PBX3: variants seen among roughly 807,000 people sequenced by gnomAD.
The protein encoded by PBX3 is pre-B-cell leukemia transcription factor 3.
Under a neutral mutation model 48.5 loss-of-function variants are expected in PBX3, and 14 were observed. The observed-to-expected ratio is 0.29, with a 90% CI of 0.19 to 0.45. The LOEUF (loss-of-function observed/expected upper bound fraction) is 0.45. Ranked by LOEUF, PBX3 falls within the 20% of genes least tolerant of loss-of-function variation. The probability of loss-of-function intolerance (pLI) is 1.00; values close to 1 mark genes in which losing one functional copy is unlikely to be tolerated. For synonymous variants in PBX3, 210 were observed against 200.3 expected (o/e 1.05, Z -0.41); for missense variants, 386 against 546.7 (o/e 0.71, Z 2.93).
chr9:125,791,456 G>A (rs10986920), intron 2 of PBX3, among the ~76,000 whole-genome samples: 3,034 of 152,158 alleles, frequency 0.02, 170 homozygotes, highest in East Asian at 0.17. Flanking sequence ...CTTGGTGGCA[G>A]GTGATTGCAT....
chr9:125,770,023 G>A (rs1283019904), intron 2 of PBX3, among the ~76,000 whole-genome samples: 1 of 152,178 alleles, frequency 6.6e-6, no homozygotes. Context: ...AAAACGGAAT[G>A]TATAGAAGAG....
chr9:125,852,538 A>G (rs565253970), intron 2 of PBX3, among the ~76,000 whole-genome samples: 4 of 152,302 alleles, frequency 2.6e-5, no homozygotes, highest in Admixed American at 1.3e-4. Flanking sequence ...GTAGTGTGCA[A>G]TGAGGTTCCA....
At chr9:125,793,341 G>T (rs1382690890) in intron 2 of PBX3, among the ~76,000 whole-genome samples, 1 of 116,490 alleles carries the variant, frequency 8.6e-6, no homozygotes, top group Non-Finnish European at 1.7e-5. Flanking sequence ...GACAGAGTGA[G>T]ACTCCATTTG....
At chr9:125,799,292 C>T (rs1336420159) in intron 2 of PBX3, among the ~76,000 whole-genome samples, 2 of 152,152 alleles carry the variant, frequency 1.3e-5, no homozygotes, top group African/African-American at 4.8e-5. Flanking sequence ...GTGGGCGGAT[C>T]ATGTGAGTCT....
At chr9:125,926,459 G>T (rs187392205) in intron 3 of PBX3, among the ~76,000 whole-genome samples, 1 of 152,244 alleles carries the variant, frequency 6.6e-6, no homozygotes, top group Admixed American at 6.5e-5. Context: ...GGCGGAGGTT[G>T]CAGTGAACCA....
chr9:125,852,942 C>A (rs1250381893), intron 2 of PBX3, among the ~76,000 whole-genome samples: 1 of 152,124 alleles, frequency 6.6e-6, no homozygotes, highest in Non-Finnish European at 1.5e-5. Context: ...ACTTAATACT[C>A]CAGCTTTGTA....
chr9:125,929,012 C>T (rs1019884609), intron 3 of PBX3, among the ~76,000 whole-genome samples: 2 of 152,188 alleles, frequency 1.3e-5, no homozygotes, highest in African/African-American at 4.8e-5. Flanking sequence ...GAACTTGCAA[C>T]ATACTGTTAT....
rs550111379 is a variant in PBX3 at position 125,792,033 on chromosome 9, T to TAC, written c.274+43421_274+43422dup. On this transcript the variant is annotated intron_variant, in intron 2 of 8. Transcript: ENST00000373489. ...TAGCAGTGAGAGAATGGATTAATAC[T>TAC]ACACACACACACGCACGCACGCACG... 1.2e-4 allele frequency among the ~76,000 whole-genome samples: 17 copies of TAC among 137,478 alleles called. No homozygotes were observed. The South Asian group carries it at 2.4e-3, about 20-fold the overall frequency. 90.2% of individuals were successfully genotyped at this position (137,478 alleles called of 152,430 possible). A position where few individuals can be genotyped will look rare whatever the true frequency, so the allele number is the denominator to read the frequency against.
At chr9:125,843,148 G>T (rs1272725563) in intron 2 of PBX3, among the ~76,000 whole-genome samples, 1 of 151,870 alleles carries the variant, frequency 6.6e-6, no homozygotes, top group African/African-American at 2.4e-5. Flanking sequence ...ACCTATTTGG[G>T]GAATTTAATA....
chr9:125,857,357 G>T (rs1349428205), intron 2 of PBX3, among the ~76,000 whole-genome samples: 1 of 152,236 alleles, frequency 6.6e-6, no homozygotes, highest in East Asian at 1.9e-4. Flanking sequence ...CAATACACAA[G>T]AAGTTTTGGA....
At chr9:125,760,969 G>A (rs573134648) in intron 2 of PBX3, among the ~76,000 whole-genome samples, 9 of 152,244 alleles carry the variant, frequency 5.9e-5, no homozygotes, top group Admixed American at 2.6e-4. Flanking sequence ...TTTATGATAT[G>A]TTGTCATCAA....
At chr9:125,862,659 A>C (rs1422363266) in intron 2 of PBX3, among the ~76,000 whole-genome samples, 3 of 152,120 alleles carry the variant, frequency 2.0e-5, no homozygotes, top group Non-Finnish European at 4.4e-5. Flanking sequence ...TGCTGGGATT[A>C]CAGGTGTGAG....
chr9:125,945,835 A>G (rs1842053915), intron 5 of PBX3, among the ~76,000 whole-genome samples: 1 of 152,206 alleles, frequency 6.6e-6, no homozygotes, highest in Non-Finnish European at 1.5e-5. Context: ...AAGGTTAAAG[A>G]TACAGCTTGG....
intron 2 of PBX3, among the ~76,000 whole-genome samples, chr9:125,876,600 G>C (rs1840253161): frequency 6.6e-6 from 1 of 152,032 alleles, no homozygotes; most frequent in African/African-American, 2.4e-5. Context: ...TCCAAAATAG[G>C]TGTTAATCGA....
intron 2 of PBX3, among the ~76,000 whole-genome samples, chr9:125,772,591 C>T (rs1278551645): frequency 6.6e-6 from 1 of 152,172 alleles, no homozygotes; most frequent in Admixed American, 6.5e-5. Flanking sequence ...GACAAGTCAC[C>T]TAATTTTTCC....
At chr9:125,894,801 A>G (rs1840731200) in intron 2 of PBX3, among the ~76,000 whole-genome samples, 1 of 152,142 alleles carries the variant, frequency 6.6e-6, no homozygotes, top group East Asian at 1.9e-4. Context: ...CTCTGTTTTT[A>G]TTGAGGAAAG....
At chr9:125,853,225 A>C (rs1315568715) in intron 2 of PBX3, among the ~76,000 whole-genome samples, 1 of 152,178 alleles carries the variant, frequency 6.6e-6, no homozygotes, top group Non-Finnish European at 1.5e-5. Flanking sequence ...CTAACTCTTA[A>C]AAATAATGCT....
Position 125,772,786 on chromosome 9 carries a change from C to T in PBX3, c.274+24163C>T, listed in dbSNP as rs146814341. ...TATCTCTTCGAGAAACATACTGGGGCATGTGTTTGCAGGCCCAAGCCTATA... is the reference window on the plus strand; with the variant it reads ...TATCTCTTCGAGAAACATACTGGGGTATGTGTTTGCAGGCCCAAGCCTATA... On this transcript the variant is annotated intron_variant, in intron 2 of 8. Coordinates refer to ENST00000373489, the MANE Select transcript of PBX3 (RefSeq NM_006195.6). Among the ~76,000 whole-genome samples, 254 of 152,306 alleles carry T rather than the reference C, an allele frequency of 1.7e-3. 4 individuals carry two copies. Among genetic ancestry groups the T allele is most frequent in the Non-Finnish European group, 4.7e-4 (32 of 68,026 alleles).
At chr9:125,826,355 A>C (rs945063090) in intron 2 of PBX3, among the ~76,000 whole-genome samples, 1 of 152,190 alleles carries the variant, frequency 6.6e-6, no homozygotes, top group Non-Finnish European at 1.5e-5. Context: ...TTTCTCTTCA[A>C]AATGTTTTTA....
Sources: allele counts gnomAD v4.1 joint callset (sites outside exome capture counted in the v4.1 genomes callset), GRCh38; gene constraint gnomAD v4.1.1; transcripts MANE v1.5; gene names NCBI Gene and HGNC (gene_info 2026-07-23, HGNC 2026-07-21).